RCAN1: variants seen among roughly 807,000 people sequenced by gnomAD.
RCAN1 encodes regulator of calcineurin 1.
In RCAN1, 11 loss-of-function variants were observed where a neutral mutation model predicts 22.9. The ratio of observed to expected loss-of-function variants is 0.48; its 90% CI spans 0.30 to 0.79. The LOEUF is 0.79. Among genes scored for constraint, RCAN1 ranks in the 30% least tolerant of loss-of-function variants. RCAN1 has a pLI of 0.06. For missense variants in RCAN1, 291 were observed against 337.8 expected (o/e 0.86, Z 1.09); for synonymous variants, 136 against 142.3 (o/e 0.96, Z 0.32).
chr21:34,614,901 C>CT lies in RCAN1; in HGVS notation c.110_111insA (p.Ala39GlyfsTer15). On this transcript the variant is annotated frameshift_variant, in exon 1 of 4. Transcript: ENST00000313806. LOFTEE classifies it high-confidence loss of function. The surrounding 1 kb of genome is among the most constrained non-coding windows in gnomAD (Gnocchi z 6.0). ...CGCCCTCGTCCGCCTCGGCCGCCCC[C>CT]GAGAGGGGCGCGAAGGGCCGCAGCG... 1 of 1,429,484 alleles carries CT rather than the reference C, an allele frequency of 7.0e-7. No homozygotes were observed. Among genetic ancestry groups the CT allele is most frequent in the South Asian group, 1.3e-5 (1 of 78,368 alleles). 88.6% of individuals were successfully genotyped at this position (1,429,484 alleles called of 1,614,324 possible). A position where few individuals can be genotyped will look rare whatever the true frequency, so the allele number is the denominator to read the frequency against.
intron 1 of RCAN1, chr21:34,525,547 G>A: frequency 1.8e-6 from 1 of 555,824 alleles, no homozygotes; most frequent in East Asian, 3.2e-5. Context: ...TAGTTTTGAA[G>A]TTATGATTCA....
chr21:34,603,518 T>C (rs1410649967), intron 1 of RCAN1, among the ~76,000 whole-genome samples: 1 of 152,210 alleles, frequency 6.6e-6, no homozygotes, highest in Non-Finnish European at 1.5e-5. Flanking sequence ...GTTTTGCTAG[T>C]ATCTATTGAG....
chr21:34,607,717 G>C (rs1392528043), intron 1 of RCAN1, among the ~76,000 whole-genome samples: 1 of 152,158 alleles, frequency 6.6e-6, no homozygotes, highest in Non-Finnish European at 1.5e-5. Context: ...CTCCACAGAA[G>C]TCAAAAAAGT....
chr21:34,564,243 T>A (rs918033397), intron 1 of RCAN1, among the ~76,000 whole-genome samples: 6 of 152,090 alleles, frequency 3.9e-5, no homozygotes, highest in African/African-American at 1.4e-4. Context: ...ACCCTTGACA[T>A]GTGGGCATTA....
rs1984080190 is a variant in RCAN1, at chr21:34,516,909, G to T, written c.*1175C>A. The T allele has an allele frequency of 6.6e-6, 1 of 152,634 alleles. No homozygotes were observed. Among genetic ancestry groups the T allele is most frequent in the African/African-American group, 2.4e-5 (1 of 41,462 alleles). The allele number at this position is 152,634 out of a possible 1,614,324, so 9.5% of individuals were successfully genotyped here. A position where few individuals can be genotyped will look rare whatever the true frequency, so the allele number is the denominator to read the frequency against. Reference sequence around the variant, plus strand: ...AACAATTCCATCAGGAATGAATGGGGAAAGGCACTGCATCCCTCTCATATC... The same window carrying T: ...AACAATTCCATCAGGAATGAATGGGTAAAGGCACTGCATCCCTCTCATATC... On this transcript the variant is annotated 3_prime_UTR_variant, in exon 4 of 4. Transcript: ENST00000313806.
At chr21:34,550,352 T>C (rs1986321470) in intron 1 of RCAN1, among the ~76,000 whole-genome samples, 1 of 152,182 alleles carries the variant, frequency 6.6e-6, no homozygotes, top group Non-Finnish European at 1.5e-5. Context: ...CAAAAATACA[T>C]ATGTTGAGTC....
chr21:34,550,534 A>G (rs922804019), intron 1 of RCAN1, among the ~76,000 whole-genome samples: 2 of 152,202 alleles, frequency 1.3e-5, no homozygotes, highest in African/African-American at 4.8e-5. Flanking sequence ...GAGGACACAG[A>G]GATAGCATGT....
At chr21:34,597,391 C>T (rs1988197751) in intron 1 of RCAN1, among the ~76,000 whole-genome samples, 1 of 152,208 alleles carries the variant, frequency 6.6e-6, no homozygotes, top group South Asian at 2.1e-4. Flanking sequence ...AGTGCGGATA[C>T]AGGACACTCC....
At chr21:34,541,487 G>A (rs1985909652) in intron 1 of RCAN1, among the ~76,000 whole-genome samples, 1 of 152,164 alleles carries the variant, frequency 6.6e-6, no homozygotes, top group South Asian at 2.1e-4. Flanking sequence ...ATAAGCAGGT[G>A]CTTTTATTAA....
At chr21:34,525,996 A>G (rs1985021398) in intron 1 of RCAN1, among the ~76,000 whole-genome samples, 1 of 152,362 alleles carries the variant, frequency 6.6e-6, no homozygotes. Context: ...CAAATAGAGC[A>G]TACAGGATTC....
At position 34,518,887 on chromosome 21, in the gene RCAN1, C is replaced by T. The variant is rs1178168690; in HGVS notation, c.587-631G>A. ...TCTACCAGGTTGGCCAAGTTCAGGC[C>T]ACTCTGGTCCAGCAAGGGTGGGGAG... On this transcript the variant is annotated intron_variant, in intron 3 of 3. Transcript: ENST00000313806. This position sits in a 1 kb window ranked among gnomAD's most constrained non-coding sequence, Gnocchi z 4.2. Among the ~76,000 whole-genome samples, 3 of 152,200 alleles carry T rather than the reference C, an allele frequency of 2.0e-5. No individual in the cohort carries two copies. In the East Asian group the frequency reaches 5.8e-4, roughly 29 times the overall value.
intron 1 of RCAN1, among the ~76,000 whole-genome samples, chr21:34,535,401 C>T (rs1601148323): frequency 6.8e-6 from 1 of 146,408 alleles, no homozygotes; most frequent in African/African-American, 2.5e-5. Flanking sequence ...AACACATAAC[C>T]TTTTTTTTTT....
At chr21:34,524,993 G>A (rs1984916830) in intron 1 of RCAN1, 13 of 1,513,160 alleles carry the variant, frequency 8.6e-6, no homozygotes, top group Non-Finnish European at 1.2e-5. Context: ...GACAGTTTGT[G>A]GGAGCCCGTG....
intron 1 of RCAN1, among the ~76,000 whole-genome samples, chr21:34,607,211 T>C (rs1368963093): frequency 2.0e-5 from 3 of 152,246 alleles, no homozygotes; most frequent in Non-Finnish European, 2.9e-5. Flanking sequence ...CTCTTGATAC[T>C]CAGAAACTTA....
At chr21:34,561,524 A>C (rs1170483976) in intron 1 of RCAN1, among the ~76,000 whole-genome samples, 1 of 152,200 alleles carries the variant, frequency 6.6e-6, no homozygotes, top group Non-Finnish European at 1.5e-5. Flanking sequence ...CCTAAACAAA[A>C]ATACATTTGA....
At chr21:34,535,685 T>C (rs372764687) in intron 1 of RCAN1, among the ~76,000 whole-genome samples, 25 of 152,000 alleles carry the variant, frequency 1.6e-4, no homozygotes, top group African/African-American at 5.5e-4. Context: ...TACAAGAGAG[T>C]TTACAAATAT....
chr21:34,605,379 T>A (rs1160177128), intron 1 of RCAN1, among the ~76,000 whole-genome samples: 23 of 152,202 alleles, frequency 1.5e-4, no homozygotes. Context: ...TGGGATTGTG[T>A]GCGTCAATAC....
intron 1 of RCAN1, among the ~76,000 whole-genome samples, chr21:34,603,444 C>G (rs1430528703): frequency 6.6e-6 from 1 of 152,106 alleles, no homozygotes; most frequent in Admixed American, 6.5e-5. Flanking sequence ...GAACATTATT[C>G]GTTGGAGAAT....
At chr21:34,523,776 T>A in intron 1 of RCAN1, 66 bp from the exon 2 acceptor site, 1 of 1,324,056 alleles carries the variant, frequency 7.6e-7, no homozygotes, top group South Asian at 1.3e-5. Context: ...GACTAGATGA[T>A]GTCATTACTT....
Sources: allele counts gnomAD v4.1 joint callset (sites outside exome capture counted in the v4.1 genomes callset), GRCh38; gene constraint gnomAD v4.1.1; non-coding constraint Gnocchi (gnomAD v3.1); transcripts MANE v1.5; gene names NCBI Gene and HGNC (gene_info 2026-07-23, HGNC 2026-07-21).